Variants in OLFML2B observed in about 807,000 individuals in gnomAD.
The protein encoded by OLFML2B is olfactomedin like 2B.
Under a neutral mutation model 74.9 loss-of-function variants are expected in OLFML2B, and 57 were observed. That is an observed-to-expected ratio of 0.76 (90% CI 0.61 to 0.95). OLFML2B has a LOEUF of 0.95. OLFML2B is among the 40% of genes least tolerant of loss of function. The probability of loss-of-function intolerance (pLI) is 0.00; values close to 1 mark genes in which losing one functional copy is unlikely to be tolerated. For missense variants in OLFML2B, 986 were observed against 970.6 expected, an observed-to-expected ratio of 1.02 and a Z score of -0.21; for synonymous variants, 388 against 405.8, an observed-to-expected ratio of 0.96 and a Z score of 0.53.
chr1:162,008,920 T>G (rs1437564132), intron 3 of OLFML2B, among the ~76,000 whole-genome samples: 1 of 152,234 alleles, frequency 6.6e-6, no homozygotes, highest in Non-Finnish European at 1.5e-5. Flanking sequence ...CAAGCATTTC[T>G]GTAATCCATC....
rs115202169 is a variant in OLFML2B, at chr1:161,998,839, G to A, written c.950-490C>T. 9.8e-3 allele frequency among the ~76,000 whole-genome samples: 1,498 copies of A among 152,308 alleles called. 32 individuals are homozygous for A. The highest frequency in any genetic ancestry group is 0.034 in the African/African-American group (1,411 of 41,554). On this transcript the variant is annotated intron_variant, in intron 5 of 7. Transcript: ENST00000294794. Reference sequence around the variant, plus strand: ...GAGGGTCAAACAAGCTAGAAGGGAAGGGAAACTTGCAGAGAAGAATAAAGT... The same window carrying A: ...GAGGGTCAAACAAGCTAGAAGGGAAAGGAAACTTGCAGAGAAGAATAAAGT...
chr1:161,986,811 AG>A (rs1172611475), intron 6 of OLFML2B, among the ~76,000 whole-genome samples: 4 of 152,376 alleles, frequency 2.6e-5, no homozygotes, highest in Admixed American at 6.5e-5. Context: ...GGCAAAGCTC[AG>A]AAAGGGCACC....
chr1:162,004,889 C>T (rs539718138), intron 4 of OLFML2B, among the ~76,000 whole-genome samples: 1 of 152,222 alleles, frequency 6.6e-6, no homozygotes, highest in East Asian at 1.9e-4. Context: ...TCCCTGGGCA[C>T]CAGTGTGCCA....
chr1:161,997,700 C>T (rs1689951508), intron 6 of OLFML2B, 125 bp downstream of exon 6: 17 of 1,028,576 alleles, frequency 1.7e-5, no homozygotes, highest in Admixed American at 2.3e-5. Context: ...AAAGGCTTAA[C>T]TCCACTTGCC....
At chr1:162,009,515 A>G (rs1690316708) in intron 3 of OLFML2B, among the ~76,000 whole-genome samples, 1 of 152,158 alleles carries the variant, frequency 6.6e-6, no homozygotes, top group Non-Finnish European at 1.5e-5. Context: ...ATTGATTTAT[A>G]GTCTCCCATC....
At chr1:162,001,648 C>G (rs1690083383) in intron 4 of OLFML2B, among the ~76,000 whole-genome samples, 1 of 152,186 alleles carries the variant, frequency 6.6e-6, no homozygotes, top group African/African-American at 2.4e-5. Context: ...AACACAAGTC[C>G]TAATGAATAT....
At chr1:162,008,894 G>A (rs1388707801) in intron 3 of OLFML2B, among the ~76,000 whole-genome samples, 1 of 152,182 alleles carries the variant, frequency 6.6e-6, no homozygotes, top group Non-Finnish European at 1.5e-5. Context: ...AAAGTTCCTG[G>A]CCCCTTAGTG....
intron 4 of OLFML2B, among the ~76,000 whole-genome samples, chr1:162,002,448 A>G (rs1407649709): frequency 6.6e-6 from 1 of 152,248 alleles, no homozygotes; most frequent in Non-Finnish European, 1.5e-5. Context: ...GAGGCAGGGC[A>G]GGGCCTTTAG....
rs756559531 is a variant in OLFML2B, at chr1:162,000,199, C to T, written c.863G>A (p.Arg288Gln). The change falls in exon 5 of 8, where the codon CGG (arginine) becomes CAG (glutamine). Residue 288 changes from arginine to glutamine, a missense_variant. Coordinates refer to ENST00000294794, the MANE Select transcript of OLFML2B (RefSeq NM_015441.3). ...GATGACAGTGGGCTGGGAGGCCGGC[C>T]GGCCTCTCAGGTGGACCTGCCTCTG... ...PLQRQVHLRG[R>Q]PASQPTVIRG... 26 of 1,613,680 alleles carry T rather than the reference C, an allele frequency of 1.6e-5. No homozygotes were observed. Among genetic ancestry groups the T allele is most frequent in the Admixed American group, 3.3e-5 (2 of 60,010 alleles).
intron 4 of OLFML2B, among the ~76,000 whole-genome samples, chr1:162,005,563 G>C (rs1690196027): frequency 6.6e-6 from 1 of 152,154 alleles, no homozygotes; most frequent in African/African-American, 2.4e-5. Context: ...TTTCCAAACT[G>C]GGGCATTTTT....
At chr1:161,991,516 C>T (rs1459771000) in intron 6 of OLFML2B, among the ~76,000 whole-genome samples, 1 of 152,196 alleles carries the variant, frequency 6.6e-6, no homozygotes, top group Non-Finnish European at 1.5e-5. Flanking sequence ...AGGCGGATCA[C>T]TTGAGTTTGG....
At chr1:162,006,559 A>G (rs971476340) in intron 3 of OLFML2B, 86 bp from the exon 4 acceptor site, 4 of 966,448 alleles carry the variant, frequency 4.1e-6, no homozygotes, top group African/African-American at 3.2e-5. Context: ...CTCAGAGCAC[A>G]CAGACACAAC....
intron 3 of OLFML2B, 130 bp from the exon 4 acceptor site, chr1:162,006,603 G>T: frequency 1.4e-6 from 1 of 719,452 alleles, no homozygotes; most frequent in South Asian, 2.0e-5. Flanking sequence ...CAAGTGATTG[G>T]GGCTAGAGAG....
intron 4 of OLFML2B, 56 bp from the exon 5 acceptor site, chr1:162,000,394 G>A (rs1690051563): frequency 7.0e-7 from 1 of 1,437,174 alleles, no homozygotes; most frequent in Non-Finnish European, 9.6e-7. Flanking sequence ...AGAGGCAGTG[G>A]GCAGGTGGGG....
At position 162,023,575 on chromosome 1, in the gene OLFML2B, G is replaced by T. The variant is rs1036926284; in HGVS notation, c.-145C>A. 2 of 728,914 alleles carry T rather than the reference G, an allele frequency of 2.7e-6. No individual in the cohort carries two copies. Among genetic ancestry groups the T allele is most frequent in the East Asian group, 6.5e-5 (2 of 30,932 alleles). 45.2% of individuals were successfully genotyped at this position (728,914 alleles called of 1,614,324 possible). A position where few individuals can be genotyped will look rare whatever the true frequency, so the allele number is the denominator to read the frequency against. On this transcript the variant is annotated 5_prime_UTR_variant, in exon 1 of 8. Coordinates refer to ENST00000294794, the MANE Select transcript of OLFML2B (RefSeq NM_015441.3). ...CTTCTAAAGCTGGGTGCGGCTGAGC[G>T]GGACGGGAGGGTGCGCCCCAGAGAC...
chr1:162,006,220 G>T, intron 4 of OLFML2B, 77 bp downstream of exon 4: 1 of 1,389,462 alleles, frequency 7.2e-7, no homozygotes. Flanking sequence ...AGCCTGAAAA[G>T]TTCTATGCAG....
intron 5 of OLFML2B, among the ~76,000 whole-genome samples, chr1:161,998,742 G>T (rs1690001070): frequency 6.6e-6 from 1 of 152,208 alleles, no homozygotes; most frequent in South Asian, 2.1e-4. Flanking sequence ...CTTCTATATA[G>T]TGGTGGAGAC....
chr1:162,000,366 G>A (rs764549482), intron 4 of OLFML2B, 28 bp from the exon 5 acceptor site: 4 of 1,596,948 alleles, frequency 2.5e-6, no homozygotes, highest in East Asian at 2.2e-5. Context: ...CACAAGGGAA[G>A]GTCAGGTCAC....
chr1:162,014,370 T>C (rs1209346336), intron 3 of OLFML2B, among the ~76,000 whole-genome samples: 1 of 152,200 alleles, frequency 6.6e-6, no homozygotes, highest in Non-Finnish European at 1.5e-5. Context: ...CATCTGCAAA[T>C]GAAGTTTCCA....
Sources: allele counts gnomAD v4.1 joint callset (sites outside exome capture counted in the v4.1 genomes callset), GRCh38; gene constraint gnomAD v4.1.1; transcripts MANE v1.5; gene names NCBI Gene and HGNC (gene_info 2026-07-23, HGNC 2026-07-21).